The following CD163L1 variants were observed in gnomAD, a reference collection of about 807,000 sequenced individuals.
CD163L1 encodes the protein CD163 molecule like 1.
In CD163L1, 124 loss-of-function variants were observed where a neutral mutation model predicts 165.4. The ratio of observed to expected loss-of-function variants is 0.75; its 90% confidence interval spans 0.65 to 0.87. CD163L1 has a LOEUF of 0.87. CD163L1 is among the 40% of genes least tolerant of loss of function. The probability of loss-of-function intolerance (pLI) is 0.00; values close to 1 mark genes in which losing one functional copy is unlikely to be tolerated. For missense variants in CD163L1, 1,525 were observed against 1,799.9 expected, an observed-to-expected ratio of 0.85 and a Z score of 2.76; for synonymous variants, 585 against 662.2, an observed-to-expected ratio of 0.88 and a Z score of 1.79.
At chr12:7,353,157 G>A (rs963507372), downstream of CD163L1, among the ~76,000 whole-genome samples, 3 of 151,846 alleles carry the variant, frequency 2.0e-5, no homozygotes, top group African/African-American at 7.3e-5. Flanking sequence ...TTCTTGAGTC[G>A]TAACATGAAA....
intron 2 of CD163L1, among the ~76,000 whole-genome samples, chr12:7,436,793 A>T (rs906542122): frequency 1.3e-5 from 2 of 152,112 alleles, no homozygotes; most frequent in South Asian, 2.1e-4. Flanking sequence ...CTTAAAAATG[A>T]CAATTTCTGT....
chr12:7,361,002 T>A (rs1946879353), intron 18 of CD163L1, among the ~76,000 whole-genome samples: 1 of 152,140 alleles, frequency 6.6e-6, no homozygotes, highest in Admixed American at 6.6e-5. Context: ...TAGCAAGTGA[T>A]CAACCCAGTT....
Position 7,374,850 on chromosome 12 carries a change from GC to G in CD163L1, c.3074del (p.Gly1025AlafsTer4). On this transcript the variant is annotated frameshift_variant, in exon 12 of 20. Coordinates refer to ENST00000313599, the MANE Select transcript of CD163L1 (RefSeq NM_174941.6). LOFTEE classifies it high-confidence loss of function. The surrounding 1 kb of genome is among the most constrained non-coding windows in gnomAD (Gnocchi z 5.4). ...GCTTACCTAAGCAGATCAAAGCACT[GC>G]CCTCTGGAACTGCAGACAAATATGG... ...SDPYLSAVPE[G>X]SALICLEDKR... The G allele has an allele frequency of 6.2e-7, 1 of 1,614,144 alleles. No homozygotes were observed. The highest frequency in any genetic ancestry group is 2.2e-5 in the East Asian group (1 of 44,880).
intron 2 of CD163L1, chr12:7,439,740 A>G: frequency 6.2e-7 from 1 of 1,611,630 alleles, no homozygotes; most frequent in Non-Finnish European, 8.5e-7. Context: ...CATCCGATGT[A>G]TAGCCTTTCC....
In CD163L1 at chr12:7,421,468, T is replaced by TATGTACATATAC. The variant is rs1555202361; in HGVS notation, c.766+10947_766+10948insGTATATGTACAT. On this transcript the variant is annotated intron_variant, in intron 4 of 19. Transcript: ENST00000313599. ...ATACATATATGTACATATATACATATATATACATATATGTACATATATACA... is the reference window on the plus strand; with the variant it reads ...ATACATATATGTACATATATACATATATGTACATATACATATACATATATGTACATATATACA... Among the ~76,000 whole-genome samples the TATGTACATATAC allele has an allele frequency of 2.0e-4, 19 of 93,390 alleles. 1 individual carries two copies. The East Asian group carries it at 2.7e-3, about 13-fold the overall frequency. 61.3% of individuals were successfully genotyped at this position (93,390 alleles called of 152,430 possible).
At chr12:7,334,965 C>T in the CD163L1 span, among the ~76,000 whole-genome samples, 1 of 152,132 alleles carries the variant, frequency 6.6e-6, no homozygotes, top group African/African-American at 2.4e-5. Context: ...AGGAGAACTA[C>T]AAACCACTGC....
chr12:7,331,551 A>C, the CD163L1 span, among the ~76,000 whole-genome samples: 1 of 152,174 alleles, frequency 6.6e-6, no homozygotes, highest in Non-Finnish European at 1.5e-5. Flanking sequence ...GCGGACTGAC[A>C]CCTCACACGT....
intron 2 of CD163L1, among the ~76,000 whole-genome samples, chr12:7,435,555 A>G (rs748216775): frequency 6.6e-6 from 1 of 152,154 alleles, no homozygotes; most frequent in African/African-American, 2.4e-5. Flanking sequence ...GCAAAAATTT[A>G]GAACTCTGAA....
Position 7,373,619 on chromosome 12 carries a change from T to C in CD163L1, c.3431A>G (p.Tyr1144Cys), listed in dbSNP as rs760838710. The C allele has an allele frequency of 3.1e-6, 5 of 1,606,778 alleles. No homozygotes were observed. Among genetic ancestry groups the C allele is most frequent in the South Asian group, 1.1e-5 (1 of 90,692 alleles). The change falls in exon 14 of 20, where the codon TAC becomes TGC. Residue 1144 changes from tyrosine to cysteine, a missense_variant. Coordinates refer to ENST00000313599, the MANE Select transcript of CD163L1 (RefSeq NM_174941.6). Reference sequence around the variant, plus strand: ...ACAGCTCTCTGTTTCAGTTTCACTGTAGAGCCTCAAGGCTGTGAATTCTAC... The same window carrying C: ...ACAGCTCTCTGTTTCAGTTTCACTGCAGAGCCTCAAGGCTGTGAATTCTAC... ...ICSEFTALRL[Y>C]SETETESCAG...
downstream of CD163L1, among the ~76,000 whole-genome samples, chr12:7,353,873 A>G (rs1290897517): frequency 6.6e-6 from 1 of 152,084 alleles, no homozygotes; most frequent in East Asian, 1.9e-4. Flanking sequence ...CAGTACAGCA[A>G]TATTAATGAA....
intron 5 of CD163L1, 24 bp from the exon 6 acceptor site, chr12:7,403,879 G>A (rs775392415): frequency 2.8e-5 from 45 of 1,599,834 alleles, no homozygotes; most frequent in Admixed American, 5.1e-5. Context: ...ACAGAGAAAC[G>A]TCTGAATTGG....
At chr12:7,421,077 A>ATATATACGTATATATACGTATATATACG (rs1565808970) in intron 4 of CD163L1, among the ~76,000 whole-genome samples, 1 of 103,088 alleles carries the variant, frequency 9.7e-6, no homozygotes, top group African/African-American at 4.4e-5. Flanking sequence ...ATATATACGT[A>ATATATACGTATATATACGTATATATACG]TATATATACG....
rs766976947 is a variant in CD163L1, at chr12:7,395,215, C to A, written c.2050+880G>T. Among the ~76,000 whole-genome samples the A allele has an allele frequency of 1.9e-4, 29 of 152,296 alleles. No homozygotes were observed. The South Asian group carries it at 5.8e-3, about 30-fold the overall frequency. On this transcript the variant is annotated intron_variant, in intron 8 of 19. Transcript: ENST00000313599. ...AACCCAGATGTCCATCAGTGATAGA[C>A]TGGATTAAGAAAATGTGGCACATAT... is the stretch of plus-strand genomic sequence containing the variant.
At chr12:7,351,199 CATATAA>C (rs1467757799), downstream of CD163L1, among the ~76,000 whole-genome samples, 2 of 151,910 alleles carry the variant, frequency 1.3e-5, no homozygotes, top group African/African-American at 2.4e-5. Context: ...ATAGATAATG[CATATAA>C]ATATGTGTGT....
At chr12:7,319,374 G>A in the CD163L1 span, among the ~76,000 whole-genome samples, 8 of 152,108 alleles carry the variant, frequency 5.3e-5, no homozygotes, top group African/African-American at 1.4e-4. Flanking sequence ...GGTGGATCAC[G>A]AGGTCAGGAG....
chr12:7,398,607 T>C lies in CD163L1; in HGVS notation c.1409-23A>G, dbSNP rs745544968. 2 of 1,524,232 alleles carry C rather than the reference T, an allele frequency of 1.3e-6. No individual in the cohort carries two copies. Among genetic ancestry groups the C allele is most frequent in the Non-Finnish European group, 1.8e-6 (2 of 1,138,666 alleles). The allele number at this position is 1,524,232 out of a possible 1,614,324, so 94.4% of individuals were successfully genotyped here. On this transcript the variant is annotated intron_variant, in intron 6 of 19. Transcript: ENST00000313599. This position sits in a 1 kb window ranked among gnomAD's most constrained non-coding sequence, Gnocchi z 4.5. ...TATCTGCAAGCAAGACAAAACCACATATTTGAGATCAAATGAGAGAGTCTT... is the reference window on the plus strand; with the variant it reads ...TATCTGCAAGCAAGACAAAACCACACATTTGAGATCAAATGAGAGAGTCTT...
the CD163L1 span, among the ~76,000 whole-genome samples, chr12:7,333,912 C>A: frequency 1.3e-5 from 2 of 152,144 alleles, no homozygotes; most frequent in Non-Finnish European, 2.9e-5. Context: ...AATTCCTGGA[C>A]ACATACACCC....
Position 7,368,301 on chromosome 12 carries a change from G to A in CD163L1, c.4073-104C>T. 3.3e-6 allele frequency: 2 copies of A among 610,694 alleles called. No homozygotes were observed. The highest frequency in any genetic ancestry group is 5.8e-6 in the Non-Finnish European group (2 of 342,364). The allele number at this position is 610,694 out of a possible 1,614,324, so 37.8% of individuals were successfully genotyped here. On this transcript the variant is annotated intron_variant, in intron 16 of 19. Transcript: ENST00000313599. This position sits in a 1 kb window ranked among gnomAD's most constrained non-coding sequence, Gnocchi z 4.3. ...TTCCCTAGTTGCTGAGAAGAATAAT[G>A]GCTATACATTTCAACATATTCATGA...
chr12:7,380,697 G>A (rs1947388075), intron 8 of CD163L1, among the ~76,000 whole-genome samples: 1 of 152,050 alleles, frequency 6.6e-6, no homozygotes, highest in South Asian at 2.1e-4. Context: ...CTTGGGTGAT[G>A]AGTGCATCAA....
Sources: allele counts gnomAD v4.1 joint callset (sites outside exome capture counted in the v4.1 genomes callset), GRCh38; gene constraint gnomAD v4.1.1; non-coding constraint Gnocchi (gnomAD v3.1); transcripts MANE v1.5; gene names NCBI Gene and HGNC (gene_info 2026-07-23, HGNC 2026-07-21).